RASAL2: variants seen among roughly 807,000 people sequenced by gnomAD.
RASAL2 encodes RAS protein activator like 2.
RASAL2 carries 58 observed loss-of-function variants against 128.9 expected under a neutral mutation model. That is an observed-to-expected ratio of 0.45 (90% confidence interval 0.36 to 0.56). The LOEUF is 0.56. RASAL2 is among the 20% of genes least tolerant of loss of function. RASAL2 has a pLI of 0.00. For synonymous variants in RASAL2, 561 were observed against 580.8 expected, an observed-to-expected ratio of 0.97 and a Z score of 0.49; for missense variants, 1,360 against 1,601.6, an observed-to-expected ratio of 0.85 and a Z score of 2.57.
rs540807636 is a variant in RASAL2 at position 178,271,036 on chromosome 1, G to T, written c.203-12528G>T. On this transcript the variant is annotated intron_variant, in intron 1 of 17. Transcript: ENST00000367649. ...TCCACCATTTATTTTACCCTCCCAGGAGAGCAAACCTCCATTCTTTTACCT... is the reference window on the plus strand; with the variant it reads ...TCCACCATTTATTTTACCCTCCCAGTAGAGCAAACCTCCATTCTTTTACCT... 1.3e-3 allele frequency among the ~76,000 whole-genome samples: 198 copies of T among 152,210 alleles called. 1 individual carries two copies. The highest frequency in any genetic ancestry group is 3.9e-4 in the East Asian group (2 of 5,176).
At chr1:178,143,067 A>G (rs1660591607) in intron 1 of RASAL2, among the ~76,000 whole-genome samples, 1 of 151,996 alleles carries the variant, frequency 6.6e-6, no homozygotes, top group Admixed American at 6.6e-5. Flanking sequence ...CTGACTGGAG[A>G]CCGCATTTCA....
At chr1:178,267,017 C>T (rs1483541424) in intron 1 of RASAL2, among the ~76,000 whole-genome samples, 1 of 152,100 alleles carries the variant, frequency 6.6e-6, no homozygotes, top group African/African-American at 2.4e-5. Context: ...GCTGGGCTTT[C>T]CTGCTAGACA....
intron 9 of RASAL2, among the ~76,000 whole-genome samples, 169 bp from the exon 10 acceptor site, chr1:178,451,402 T>C (rs1365996177): frequency 6.6e-6 from 1 of 152,182 alleles, no homozygotes; most frequent in African/African-American, 2.4e-5. Flanking sequence ...ATGTGGCAAC[T>C]CTTGGGTTCC....
At chr1:178,258,830 A>G (rs776784821) in intron 1 of RASAL2, among the ~76,000 whole-genome samples, 2 of 152,236 alleles carry the variant, frequency 1.3e-5, no homozygotes, top group African/African-American at 4.8e-5. Context: ...CGCATTATTC[A>G]TAAGTGCCAA....
intron 4 of RASAL2, among the ~76,000 whole-genome samples, chr1:178,402,263 A>G (rs1673677313): frequency 6.6e-6 from 1 of 152,124 alleles, no homozygotes; most frequent in Non-Finnish European, 1.5e-5. Flanking sequence ...TAAAAATACA[A>G]AAAATTAGCC....
At chr1:178,332,613 CTTTTT>C (rs72401422) in intron 3 of RASAL2, among the ~76,000 whole-genome samples, 2 of 136,128 alleles carry the variant, frequency 1.5e-5, no homozygotes. Flanking sequence ...GTCTCCAATT[CTTTTT>C]TTTTTTTTTT....
chr1:178,108,381 T>C (rs1659177312), intron 1 of RASAL2, among the ~76,000 whole-genome samples: 1 of 152,190 alleles, frequency 6.6e-6, no homozygotes. Flanking sequence ...GTGACAGTCA[T>C]GAGCATGATG....
chr1:178,373,384 T>A (rs1253085948), intron 3 of RASAL2, among the ~76,000 whole-genome samples: 1 of 150,192 alleles, frequency 6.7e-6, no homozygotes, highest in Admixed American at 6.7e-5. Flanking sequence ...GCCTTATTTA[T>A]CTTCGGCATT....
chr1:178,190,678 G>A (rs1235953459), intron 1 of RASAL2, among the ~76,000 whole-genome samples: 1 of 151,750 alleles, frequency 6.6e-6, no homozygotes, highest in Non-Finnish European at 1.5e-5. Context: ...TTTCCAAATT[G>A]GTATGCTTCT....
At chr1:178,242,471 C>CA (rs1664555890) in intron 1 of RASAL2, among the ~76,000 whole-genome samples, 1 of 86,712 alleles carries the variant, frequency 1.2e-5, no homozygotes, top group Non-Finnish European at 2.3e-5. Context: ...CTCTCTCTCT[C>CA]TCTCTCTCTC....
chr1:178,180,508 A>AAAAAAAAAAAAAAAC (rs1662061434), intron 1 of RASAL2, among the ~76,000 whole-genome samples: 1 of 107,470 alleles, frequency 9.3e-6, no homozygotes, highest in African/African-American at 3.1e-5. Context: ...AAAAAAAAAA[A>AAAAAAAAAAAAAAAC]ACCCACAAAA....
At chr1:178,384,986 T>C (rs1017995372) in intron 3 of RASAL2, among the ~76,000 whole-genome samples, 1 of 152,180 alleles carries the variant, frequency 6.6e-6, no homozygotes, top group Non-Finnish European at 1.5e-5. Flanking sequence ...CTATAGATAT[T>C]TGACCGTATA....
rs1323785307 is a variant in RASAL2, at chr1:178,466,090, A to G, written c.3558A>G (p.Glu1186=). ...AGCGGCTCCGAAGACAGCAGGAAGA[A>G]AAAGATAGCCAGATGAAAAGCATCA... The part of the protein sequence containing the change: ...SEERLRRQQE[E]KDSQMKSIIS... Residue 1186 remains glutamate (E), a synonymous_variant, in exon 16 of 18, where the codon GAA becomes GAG. Coordinates refer to ENST00000367649, the MANE Select transcript of RASAL2 (RefSeq NM_170692.4). The G allele has an allele frequency of 6.4e-6, 10 of 1,574,650 alleles. No homozygotes were observed. In the Middle Eastern group the frequency reaches 8.4e-4, roughly 133 times the overall value.
chr1:178,467,254 G>A, intron 16 of RASAL2, 80 bp from the exon 17 acceptor site: 7 of 1,091,010 alleles, frequency 6.4e-6, no homozygotes, highest in Non-Finnish European at 9.8e-6. Flanking sequence ...AAAGGGCAGA[G>A]GATATTGAGT....
At chr1:178,411,781 T>C in intron 4 of RASAL2, 1 of 781,468 alleles carries the variant, frequency 1.3e-6, no homozygotes. Flanking sequence ...ATGTGCTGCT[T>C]TTTTGGCTGC....
intron 1 of RASAL2, among the ~76,000 whole-genome samples, chr1:178,229,062 G>A (rs1389073874): frequency 6.6e-6 from 1 of 152,120 alleles, no homozygotes; most frequent in Non-Finnish European, 1.5e-5. Context: ...TTCAACAACT[G>A]TGTACAGTTT....
chr1:178,112,654 A>G (rs915435799), intron 1 of RASAL2, among the ~76,000 whole-genome samples: 1 of 151,434 alleles, frequency 6.6e-6, no homozygotes, highest in Non-Finnish European at 1.5e-5. Context: ...TCGCAAGAAC[A>G]AAAAACCAAA....
chr1:178,319,172 C>A (rs1429865019), intron 3 of RASAL2, among the ~76,000 whole-genome samples: 1 of 152,182 alleles, frequency 6.6e-6, no homozygotes. Context: ...CGCTGTTAGT[C>A]TGATGGGCTT....
At chr1:178,405,136 C>G (rs1401392267) in intron 4 of RASAL2, among the ~76,000 whole-genome samples, 1 of 152,200 alleles carries the variant, frequency 6.6e-6, no homozygotes, top group Non-Finnish European at 1.5e-5. Flanking sequence ...AACCCTTCTA[C>G]AGGGGATTTG....
Sources: allele counts gnomAD v4.1 joint callset (sites outside exome capture counted in the v4.1 genomes callset), GRCh38; gene constraint gnomAD v4.1.1; transcripts MANE v1.5; gene names NCBI Gene and HGNC (gene_info 2026-07-23, HGNC 2026-07-21).